TMBIM1: variants seen among roughly 807,000 people sequenced by gnomAD.
TMBIM1 encodes transmembrane BAX inhibitor motif containing 1.
In TMBIM1, 34 loss-of-function variants were observed where a neutral mutation model predicts 45.1. The ratio of observed to expected loss-of-function variants is 0.75; its 90% CI spans 0.57 to 1.00. The LOEUF is 1.00. TMBIM1 is among the 50% of genes least tolerant of loss of function. TMBIM1 has a pLI of 0.00. For missense variants in TMBIM1, 374 were observed against 402.4 expected (o/e 0.93, Z 0.60); for synonymous variants, 157 against 153.5 (o/e 1.02, Z -0.17).
In TMBIM1 at chr2:218,275,445, C is replaced by T; in HGVS notation, c.*30G>A. The T allele has an allele frequency of 6.2e-7, 1 of 1,601,644 alleles. No individual in the cohort carries two copies. Among genetic ancestry groups the T allele is most frequent in the Middle Eastern group, 1.7e-4 (1 of 5,964 alleles). ...GCCCTCTAGCTTGGAAGGGAGAGCC[C>T]AGGATCGGGTGAAAATGGGGGCTTG... On this transcript the variant is annotated 3_prime_UTR_variant, in exon 12 of 12. Coordinates refer to ENST00000258412, the MANE Select transcript of TMBIM1 (RefSeq NM_022152.6).
intron 7 of TMBIM1, 121 bp downstream of exon 7, chr2:218,277,814 C>T (rs1312112299): frequency 1.2e-5 from 18 of 1,540,520 alleles, no homozygotes; most frequent in African/African-American, 1.4e-5. Context: ...TCAGAACAGG[C>T]GGCCCAGATA....
chr2:218,276,919 C>T lies in TMBIM1; in HGVS notation c.735+85G>A, dbSNP rs1238839282. 4 of 1,150,774 alleles carry T rather than the reference C, an allele frequency of 3.5e-6. No individual in the cohort carries two copies. In the African/African-American group the frequency reaches 4.6e-5, roughly 13 times the overall value. The allele number at this position is 1,150,774 out of a possible 1,614,324, so 71.3% of individuals were successfully genotyped here. A position where few individuals can be genotyped will look rare whatever the true frequency, so the allele number is the denominator to read the frequency against. On this transcript the variant is annotated intron_variant, in intron 10 of 11. Transcript: ENST00000258412. ...TGGAGGTCAGAGCCTGCCCCGGGGA[C>T]CTTTGGGGCCTGCGAGACCATGCTA...
intron 1 of TMBIM1, among the ~76,000 whole-genome samples, 151 bp downstream of exon 1, chr2:218,292,315 C>T (rs1350837191): frequency 6.6e-6 from 1 of 152,196 alleles, no homozygotes; most frequent in Admixed American, 6.5e-5. Flanking sequence ...GGGAGATCCC[C>T]ATCTGGAACG....
In TMBIM1 at chr2:218,280,075, C is replaced by G. The variant is rs750928581; in HGVS notation, c.254G>C (p.Gly85Ala). 3.4e-5 allele frequency: 55 copies of G among 1,614,032 alleles called. 1 individual carries two copies. Among genetic ancestry groups the G allele is most frequent in the Middle Eastern group, 3.3e-4 (2 of 6,082 alleles). ...GEERAVSDSF[G>A]PGEWDDRKVR... The stretch of plus-strand genomic sequence containing the variant: ...TTTCCGGTCATCCCACTCTCCAGGC[C>G]CGAAGCTATCACTCACTGCTCTCTC... Residue 85 changes from glycine (G) to alanine (A), a missense_variant, in exon 3 of 12, where the codon GGG becomes GCG. By Grantham distance (60) the Gly-to-Ala change is moderately conservative (BLOSUM62 0). Transcript: ENST00000258412.
At position 218,275,319 on chromosome 2, in the gene TMBIM1, A is replaced by G. The variant is rs1487255307; in HGVS notation, c.*156T>C. The stretch of plus-strand genomic sequence containing the variant: ...CCCCACCAAGTACCCACACATCCAT[A>G]GCCAGAGAGGCCACCTGTCTCCAGG... On this transcript the variant is annotated 3_prime_UTR_variant, in exon 12 of 12. Coordinates refer to ENST00000258412, the MANE Select transcript of TMBIM1 (RefSeq NM_022152.6). 2.0e-6 allele frequency: 2 copies of G among 990,118 alleles called. No homozygotes were observed. Among genetic ancestry groups the G allele is most frequent in the East Asian group, 5.6e-5 (2 of 35,942 alleles). 61.3% of individuals were successfully genotyped at this position (990,118 alleles called of 1,614,324 possible).
intron 10 of TMBIM1, among the ~76,000 whole-genome samples, 164 bp from the exon 11 acceptor site, chr2:218,276,243 G>C (rs1430102270): frequency 2.6e-5 from 4 of 152,134 alleles, no homozygotes; most frequent in African/African-American, 4.8e-5. Flanking sequence ...AATTAAGACT[G>C]GTGATATATC....
rs761214236 is a variant in TMBIM1 at position 218,280,130 on chromosome 2, G to A, written c.203-4C>T. The A allele has an allele frequency of 1.9e-6, 3 of 1,610,396 alleles. No individual in the cohort carries two copies. The highest frequency in any genetic ancestry group is 8.5e-7 in the Non-Finnish European group (1 of 1,176,552). On this transcript the variant is annotated splice_polypyrimidine_tract_variant and splice_region_variant and intron_variant, in intron 2 of 11. Transcript: ENST00000258412. ...CCATCATAGCCATGGCCTGGGCCTA[G>A]GGACAGATGACACTTGACTCAGCTG...
chr2:218,276,599 T>C (rs1691235808), intron 10 of TMBIM1, among the ~76,000 whole-genome samples: 1 of 151,852 alleles, frequency 6.6e-6, no homozygotes, highest in Admixed American at 6.6e-5. Flanking sequence ...GGCACTGTTC[T>C]CCCCCAGCTG....
chr2:218,277,704 T>C, intron 7 of TMBIM1, 34 bp from the exon 8 acceptor site: 1 of 1,613,506 alleles, frequency 6.2e-7, no homozygotes, highest in Non-Finnish European at 8.5e-7. Context: ...ATGAAACACT[T>C]AAAAAGGAAG....
Position 218,275,229 on chromosome 2 carries a change from A to C in TMBIM1, c.*246T>G, listed in dbSNP as rs1027877777. The stretch of plus-strand genomic sequence containing the variant: ...TCATACAGTAGGTGGCGGGGAGAAG[A>C]CACATCTTCAGCCTAGTCCCTGCCA... On this transcript the variant is annotated 3_prime_UTR_variant, in exon 12 of 12. Transcript: ENST00000258412. 5.0e-6 allele frequency: 2 copies of C among 402,180 alleles called. No individual in the cohort carries two copies. The highest frequency in any genetic ancestry group is 4.1e-5 in the African/African-American group (2 of 48,614). The allele number at this position is 402,180 out of a possible 1,614,324, so 24.9% of individuals were successfully genotyped here. A position where few individuals can be genotyped will look rare whatever the true frequency, so the allele number is the denominator to read the frequency against.
At chr2:218,289,640 A>AAAC (rs1166682981) in intron 1 of TMBIM1, among the ~76,000 whole-genome samples, 60 of 151,294 alleles carry the variant, frequency 4.0e-4, no homozygotes, top group Middle Eastern at 3.4e-3. Context: ...AAAAAAAAAA[A>AAAC]AAAAAACTGA....
chr2:218,279,414 T>C, intron 3 of TMBIM1, 61 bp from the exon 4 acceptor site: 1 of 1,468,842 alleles, frequency 6.8e-7, no homozygotes, highest in Non-Finnish European at 9.1e-7. Flanking sequence ...CCCAGGAAGC[T>C]GCCAGCCCCC....
intron 2 of TMBIM1, 87 bp from the exon 3 acceptor site, chr2:218,280,213 G>T: frequency 1.0e-6 from 1 of 974,824 alleles, no homozygotes. Flanking sequence ...CAAAGTCTCA[G>T]GGATCTCCAG....
chr2:218,277,800 G>C (rs747123384), intron 7 of TMBIM1, 130 bp from the exon 8 acceptor site: 20 of 1,544,478 alleles, frequency 1.3e-5, no homozygotes, highest in Non-Finnish European at 1.8e-5. Flanking sequence ...AGCCACAGAG[G>C]AGATCAGAAC....
Position 218,287,317 on chromosome 2 carries a change from ACT to A in TMBIM1, c.-40-5138_-40-5137del, listed in dbSNP as rs1692600066. 4 of 151,710 alleles carry A rather than the reference ACT, an allele frequency of 2.6e-5. No individual in the cohort carries two copies. In the South Asian group the frequency reaches 8.4e-4, roughly 32 times the overall value. The allele number at this position is 151,710 out of a possible 1,614,324, so 9.4% of individuals were successfully genotyped here. On this transcript the variant is annotated intron_variant, in intron 1 of 11. Transcript: ENST00000258412. The stretch of plus-strand genomic sequence containing the variant: ...GGAACTTCCCTTCCCAGCCCCGCCC[ACT>A]CTCTGAGTGATAGACACCAGCACAC...
chr2:218,283,862 T>C (rs1692263939), intron 1 of TMBIM1, among the ~76,000 whole-genome samples: 1 of 152,014 alleles, frequency 6.6e-6, no homozygotes, highest in African/African-American at 2.4e-5. Flanking sequence ...AGGGCAAGAA[T>C]GTCAGGTCAG....
In TMBIM1 at chr2:218,277,409, G is replaced by A. The variant is rs376381706; in HGVS notation, c.596C>T (p.Ala199Val). The A allele has an allele frequency of 4.0e-5, 64 of 1,614,048 alleles. No homozygotes were observed. Among genetic ancestry groups the A allele is most frequent in the Middle Eastern group, 1.6e-4 (1 of 6,084 alleles). Residue 199 changes from alanine to valine, a missense_variant, in exon 9 of 12, where the codon GCG (alanine) becomes GTG (valine). Physicochemically the swap from Ala to Val is moderately conservative, Grantham distance 64. Coordinates refer to ENST00000258412, the MANE Select transcript of TMBIM1 (RefSeq NM_022152.6). Reference sequence around the variant, plus strand: ...GATGGTGACTGAAATGGATACCACCGCAGTGATGATCATTGCAATGATGAC... The same window carrying A: ...GATGGTGACTGAAATGGATACCACCACAGTGATGATCATTGCAATGATGAC... ...KAVIIAMIIT[A>V]VVSISVTIFC... is the part of the protein sequence containing the mutation.
At chr2:218,275,896 C>T in intron 11 of TMBIM1, 130 bp downstream of exon 11, 2 of 1,134,928 alleles carry the variant, frequency 1.8e-6, no homozygotes, top group South Asian at 1.5e-5. Flanking sequence ...AATCTCTGGA[C>T]AGTAGTGAGA....
chr2:218,281,338 T>C (rs184574358), intron 2 of TMBIM1, among the ~76,000 whole-genome samples: 325 of 152,214 alleles, frequency 2.1e-3, no homozygotes, highest in African/African-American at 7.7e-3. Flanking sequence ...GGTTTTGCCA[T>C]GTTGGCCAGG....
Sources: gnomAD v4.1 joint callset for allele counts (sites outside exome capture counted in the v4.1 genomes callset) on GRCh38, gnomAD v4.1.1 for gene constraint, MANE v1.5 for transcripts, NCBI Gene and HGNC (gene_info 2026-07-23, HGNC 2026-07-21) for gene names.